The following ODAM variants were observed in gnomAD, a reference collection of about 807,000 sequenced individuals.
ODAM encodes the protein odontogenic, ameloblast associated.
Under a neutral mutation model 48.5 loss-of-function variants are expected in ODAM, and 55 were observed. The observed-to-expected ratio is 1.13, with a 90% CI of 0.91 to 1.42. The LOEUF (loss-of-function observed/expected upper bound fraction) is 1.42, where lower values mean the gene tolerates loss of function less well. Ranked by LOEUF, ODAM falls within the 40% of genes most tolerant of loss-of-function variation. The probability of loss-of-function intolerance (pLI) is 0.00; values close to 1 mark genes in which losing one functional copy is unlikely to be tolerated. For synonymous variants in ODAM, 127 were observed against 107.8 expected (o/e 1.18, Z -1.10); for missense variants, 353 against 323.6 (o/e 1.09, Z -0.70).
At chr4:70,200,192 G>T in intron 6 of ODAM, 1 of 395,180 alleles carries the variant, frequency 2.5e-6, no homozygotes, top group Non-Finnish European at 4.7e-6. Flanking sequence ...TATTTGCAAA[G>T]TAATTTGTAT....
intron 5 of ODAM, 138 bp downstream of exon 5, chr4:70,198,295 T>A: frequency 1.3e-6 from 1 of 752,998 alleles, no homozygotes; most frequent in Non-Finnish European, 2.1e-6. Context: ...ACCATCGCTG[T>A]AAGTTCTTTC....
chr4:70,198,475 A>G (rs1729428063), intron 5 of ODAM, 104 bp from the exon 6 acceptor site: 1 of 906,568 alleles, frequency 1.1e-6, no homozygotes, highest in Non-Finnish European at 1.7e-6. Flanking sequence ...AAACTTGTTA[A>G]CACAAAGGAT....
chr4:70,200,354 T>C lies in ODAM; in HGVS notation c.424-143T>C, dbSNP rs1578237806. ...TTGTTTCCAAAGTTTGGGAAGGGATTCTTCATCTATTTGCTTTGTATTTAA... is the reference window on the plus strand; with the variant it reads ...TTGTTTCCAAAGTTTGGGAAGGGATCCTTCATCTATTTGCTTTGTATTTAA... On this transcript the variant is annotated intron_variant, in intron 6 of 11. Coordinates refer to ENST00000683306, the MANE Select transcript of ODAM (RefSeq NM_017855.4). 9.3e-6 allele frequency: 5 copies of C among 539,322 alleles called. No homozygotes were observed. In the East Asian group the frequency reaches 1.6e-4, roughly 17 times the overall value. The allele number at this position is 539,322 out of a possible 1,614,324, so 33.4% of individuals were successfully genotyped here. A position where few individuals can be genotyped will look rare whatever the true frequency, so the allele number is the denominator to read the frequency against.
chr4:70,200,663 T>C, intron 7 of ODAM, 62 bp downstream of exon 7: 1 of 1,109,924 alleles, frequency 9.0e-7, no homozygotes, highest in Non-Finnish European at 1.3e-6. Flanking sequence ...AAATAAGGTA[T>C]ATTACCATAG....
At chr4:70,203,691 C>T (rs1729557476) in intron 11 of ODAM, among the ~76,000 whole-genome samples, 1 of 151,902 alleles carries the variant, frequency 6.6e-6, no homozygotes, top group African/African-American at 2.4e-5. Flanking sequence ...CTGTTTTAAT[C>T]AGCTTGGTTG....
At chr4:70,196,120 T>C (rs1197591071) in intron 1 of ODAM, among the ~76,000 whole-genome samples, 1 of 151,986 alleles carries the variant, frequency 6.6e-6, no homozygotes, top group Admixed American at 6.6e-5. Flanking sequence ...TGAAGTACTT[T>C]TCAACATAGA....
At chr4:70,197,249 T>C (rs1021007450) in intron 3 of ODAM, 25 bp from the exon 4 acceptor site, 1 of 1,079,446 alleles carries the variant, frequency 9.3e-7, no homozygotes, top group African/African-American at 1.6e-5. Context: ...GTAATCTTGA[T>C]TTCATATTAT....
At chr4:70,202,732 T>C (rs199867200) in intron 9 of ODAM, 24 bp from the exon 10 acceptor site, 1 of 1,583,480 alleles carries the variant, frequency 6.3e-7, no homozygotes, top group Non-Finnish European at 8.6e-7. Flanking sequence ...ACGACAACTT[T>C]GTTTTCATTC....
chr4:70,202,629 A>G (rs746888430), intron 9 of ODAM, 127 bp from the exon 10 acceptor site: 2 of 676,582 alleles, frequency 3.0e-6, no homozygotes, highest in Non-Finnish European at 4.9e-6. Context: ...AAAAATACTA[A>G]TAATAGCAAC....
intron 4 of ODAM, chr4:70,197,642 T>C (rs1514393): frequency 0.29 from 155,846 of 539,210 alleles, 24,683 homozygotes; most frequent in South Asian, 0.49. Context: ...AGGGTTAAGG[T>C]AGGGGAAAAT....
intron 6 of ODAM, among the ~76,000 whole-genome samples, chr4:70,199,698 T>C (rs1729455484): frequency 6.6e-6 from 1 of 152,022 alleles, no homozygotes; most frequent in South Asian, 2.1e-4. Flanking sequence ...AGTTTGGTCA[T>C]CTTCTAAAAT....
intron 6 of ODAM, 34 bp downstream of exon 6, chr4:70,198,660 G>T (rs1282174590): frequency 6.5e-7 from 1 of 1,530,988 alleles, no homozygotes; most frequent in Non-Finnish European, 9.0e-7. Flanking sequence ...CCATAGAGAT[G>T]GCTACATACA....
chr4:70,196,832 A>G, intron 3 of ODAM, 99 bp downstream of exon 3: 1 of 908,798 alleles, frequency 1.1e-6, no homozygotes, highest in Non-Finnish European at 1.7e-6. Flanking sequence ...GTTCCTCACC[A>G]CTAGCTTTTA....
In ODAM at chr4:70,195,852, G is replaced by A. The variant is rs187087802; in HGVS notation, c.-16+59G>A. 6.8e-5 allele frequency: 46 copies of A among 680,534 alleles called. No homozygotes were observed. The African/African-American group carries it at 7.0e-4, about 10-fold the overall frequency. The allele number at this position is 680,534 out of a possible 1,614,324, so 42.2% of individuals were successfully genotyped here. A position where few individuals can be genotyped will look rare whatever the true frequency, so the allele number is the denominator to read the frequency against. Reference sequence around the variant, plus strand: ...AGAACCAAAATCAGTGAAATCTGCAGGATAGACTATCAAGTTCACCCTAAA... The same window carrying A: ...AGAACCAAAATCAGTGAAATCTGCAAGATAGACTATCAAGTTCACCCTAAA... On this transcript the variant is annotated intron_variant, in intron 1 of 11. Transcript: ENST00000683306.
At chr4:70,197,178 A>T (rs987999481) in intron 3 of ODAM, 96 bp from the exon 4 acceptor site, 1 of 675,222 alleles carries the variant, frequency 1.5e-6, no homozygotes, top group Non-Finnish European at 2.7e-6. Context: ...GAAATTGAGC[A>T]ACCAGCTATG....
rs372054959 is a variant in ODAM at position 70,202,235 on chromosome 4, T to A, written c.577-23T>A. 6 of 1,600,064 alleles carry A rather than the reference T, an allele frequency of 3.7e-6. No homozygotes were observed. In the African/African-American group the frequency reaches 6.7e-5, roughly 18 times the overall value. ...TTTCAACGATCACTGATTTAGACTT[T>A]TTAAAACTTTTTGTGTTTTTAGGCT... is the stretch of plus-strand genomic sequence containing the variant. On this transcript the variant is annotated intron_variant, in intron 8 of 11. Coordinates refer to ENST00000683306, the MANE Select transcript of ODAM (RefSeq NM_017855.4).
rs764271002 is a variant in ODAM, at chr4:70,197,978, C to A, written c.196C>A (p.Gln66Lys). ...CTCTGGAATTTTACAACAGCAGCAG[C>A]AGGCTCAAATTCCAGGACTCTCCCA... is the stretch of plus-strand genomic sequence containing the variant. ...PFSGILQQQQ[Q>K]AQIPGLSQFS... is the part of the protein sequence containing the mutation. Residue 66 changes from glutamine (Q) to lysine (K), a missense_variant, in exon 5 of 12, where the codon CAG becomes AAG. Gln to Lys is a moderately conservative substitution (Grantham distance 53, BLOSUM62 1). Coordinates refer to ENST00000683306, the MANE Select transcript of ODAM (RefSeq NM_017855.4). 6.2e-7 allele frequency: 1 copy of A among 1,613,362 alleles called. No homozygotes were observed. The highest frequency in any genetic ancestry group is 1.7e-5 in the Admixed American group (1 of 59,936).
intron 10 of ODAM, 33 bp from the exon 11 acceptor site, chr4:70,203,123 A>G: frequency 6.5e-7 from 1 of 1,541,444 alleles, no homozygotes; most frequent in Non-Finnish European, 8.9e-7. Flanking sequence ...TCAATTTAAT[A>G]ACAGTTTCTT....
chr4:70,197,226 A>T (rs1056433832), intron 3 of ODAM, 48 bp from the exon 4 acceptor site: 2 of 872,662 alleles, frequency 2.3e-6, no homozygotes, highest in African/African-American at 3.4e-5. Context: ...GTTCCTACTC[A>T]TTTTAGTGTG....
Sources: allele counts gnomAD v4.1 joint callset (sites outside exome capture counted in the v4.1 genomes callset), GRCh38; gene constraint gnomAD v4.1.1; transcripts MANE v1.5; gene names NCBI Gene and HGNC (gene_info 2026-07-23, HGNC 2026-07-21).